VRK3: variants seen among roughly 807,000 people sequenced by gnomAD.
VRK3 encodes serine/threonine-protein kinase VRK3.
Under a neutral mutation model 60.4 loss-of-function variants are expected in VRK3, and 50 were observed. That is an observed-to-expected ratio of 0.83 (90% CI 0.66 to 1.05). The LOEUF is 1.05. Among genes scored for constraint, VRK3 ranks in the 50% least tolerant of loss-of-function variants. The pLI, the probability that VRK3 is intolerant of heterozygous loss-of-function variation, is 0.00. For synonymous variants in VRK3, 246 were observed against 227.8 expected (o/e 1.08, Z -0.72); for missense variants, 549 against 585.3 (o/e 0.94, Z 0.64).
intron 9 of VRK3, among the ~76,000 whole-genome samples, chr19:49,993,935 C>A (rs1421688535): frequency 6.6e-6 from 1 of 152,068 alleles, no homozygotes; most frequent in Non-Finnish European, 1.5e-5. Context: ...CCTTTCTGTA[C>A]CCAGAGCTGA....
Position 50,018,741 on chromosome 19 carries a change from A to C in VRK3, c.-2+1844T>G, listed in dbSNP as rs149633759. On this transcript the variant is annotated intron_variant, in intron 2 of 14. Transcript: ENST00000316763. ...ACAAATACTGGTGAGCATTTTTGTG[A>C]AGCTAGAGGTCTCACTGCCTCTTCC... is the stretch of plus-strand genomic sequence containing the variant. Among the ~76,000 whole-genome samples the C allele has an allele frequency of 3.2e-3, 494 of 152,306 alleles. 3 individuals carry two copies. The highest frequency in any genetic ancestry group is 4.6e-3 in the Admixed American group (71 of 15,304).
intron 5 of VRK3, among the ~76,000 whole-genome samples, chr19:50,007,275 C>T (rs538710559): frequency 6.6e-6 from 1 of 152,216 alleles, no homozygotes; most frequent in East Asian, 1.9e-4. Context: ...TCCCACGTGA[C>T]AATAGCAGGT....
intron 5 of VRK3, among the ~76,000 whole-genome samples, chr19:50,006,407 GCT>G (rs1266560784): frequency 6.6e-6 from 1 of 150,794 alleles, no homozygotes; most frequent in Non-Finnish European, 1.5e-5. Context: ...ACGGAGTCTC[GCT>G]CTGTCACCCA....
chr19:49,990,560 A>G (rs1039437367), intron 10 of VRK3, among the ~76,000 whole-genome samples: 5 of 151,478 alleles, frequency 3.3e-5, no homozygotes, highest in African/African-American at 1.2e-4. Flanking sequence ...TTTTGTAAAG[A>G]TGGGGTTTTG....
At chr19:50,000,597 A>G in intron 6 of VRK3, 193 bp downstream of exon 6, 1 of 637,486 alleles carries the variant, frequency 1.6e-6, no homozygotes, top group Non-Finnish European at 2.8e-6. Context: ...GGTGGATCCA[A>G]CTGTGGGTTT....
At chr19:50,008,361 G>C (rs369788945) in intron 4 of VRK3, among the ~76,000 whole-genome samples, 3 of 148,850 alleles carry the variant, frequency 2.0e-5, no homozygotes, top group African/African-American at 4.9e-5. Context: ...GGTGTGGTGG[G>C]AGACAGACTT....
At chr19:50,022,226 C>T (rs1018043345) in intron 1 of VRK3, among the ~76,000 whole-genome samples, 5 of 152,186 alleles carry the variant, frequency 3.3e-5, no homozygotes, top group Non-Finnish European at 7.3e-5. Context: ...CTTGGGGCAG[C>T]AGGTCAGAAC....
chr19:50,002,958 C>T (rs1488694402), intron 5 of VRK3, among the ~76,000 whole-genome samples: 1 of 152,242 alleles, frequency 6.6e-6, no homozygotes, highest in African/African-American at 2.4e-5. Context: ...CATCCTGACC[C>T]TAACACCAGA....
At position 49,989,775 on chromosome 19, in the gene VRK3, T is replaced by C. The variant is rs748765257; in HGVS notation, c.964-4A>G. The C allele has an allele frequency of 6.2e-7, 1 of 1,609,120 alleles. No individual in the cohort carries two copies. The highest frequency in any genetic ancestry group is 2.2e-5 in the East Asian group (1 of 44,694). ...AGCCATAGCCTGCCAAAGTCACCTGTGGACACAGGGAAAAGCCATACAGAT... is the reference window on the plus strand; with the variant it reads ...AGCCATAGCCTGCCAAAGTCACCTGCGGACACAGGGAAAAGCCATACAGAT... On this transcript the variant is annotated splice_region_variant and splice_polypyrimidine_tract_variant and intron_variant, in intron 10 of 14. Transcript: ENST00000316763.
intron 5 of VRK3, chr19:50,001,508 G>C (rs912217850): frequency 5.3e-5 from 8 of 151,226 alleles, no homozygotes; most frequent in African/African-American, 2.0e-4. Context: ...AGCCCTGCAG[G>C]GTCGGCTGAG....
intron 1 of VRK3, among the ~76,000 whole-genome samples, chr19:50,021,145 T>C (rs1011605697): frequency 6.6e-6 from 1 of 152,218 alleles, no homozygotes; most frequent in South Asian, 2.1e-4. Flanking sequence ...GTTTAGTCTA[T>C]ACAACAGCCC....
At chr19:49,980,025 G>A (rs1162414083) in intron 13 of VRK3, among the ~76,000 whole-genome samples, 3 of 152,014 alleles carry the variant, frequency 2.0e-5, no homozygotes, top group African/African-American at 7.3e-5. Flanking sequence ...ACTCCAGCCT[G>A]GGCGACAGAG....
chr19:49,981,912 G>A (rs1055728789), intron 12 of VRK3: 18 of 845,072 alleles, frequency 2.1e-5, no homozygotes, highest in Non-Finnish European at 3.1e-5. Context: ...AAGCAGGCTC[G>A]ACTTCAGGAG....
intron 3 of VRK3, among the ~76,000 whole-genome samples, chr19:50,014,506 C>T (rs1028820608): frequency 1.3e-5 from 2 of 151,178 alleles, no homozygotes; most frequent in Non-Finnish European, 2.9e-5. Flanking sequence ...TTGCAGTGAG[C>T]CGAGATGTTG....
chr19:49,988,256 G>A (rs2076551068), intron 12 of VRK3, 116 bp downstream of exon 12: 1 of 1,465,136 alleles, frequency 6.8e-7, no homozygotes, highest in South Asian at 1.3e-5. Context: ...GAGGACTTGG[G>A]CTCTGCTGGA....
At position 49,995,287 on chromosome 19, in the gene VRK3, A is replaced by C; in HGVS notation, c.680-12T>G. 1 of 1,613,880 alleles carries C rather than the reference A, an allele frequency of 6.2e-7. No homozygotes were observed. Among genetic ancestry groups the C allele is most frequent in the Admixed American group, 1.7e-5 (1 of 59,988 alleles). On this transcript the variant is annotated splice_polypyrimidine_tract_variant and intron_variant, in intron 7 of 14. Transcript: ENST00000316763. ...CTTCCACTTGTTGACTGCGGAAAGCAGGGGCTTGAGGTTAGAACCCACCCA... is the reference window on the plus strand; with the variant it reads ...CTTCCACTTGTTGACTGCGGAAAGCCGGGGCTTGAGGTTAGAACCCACCCA...
Position 50,020,247 on chromosome 19 carries a change from G to A in VRK3, c.-2+338C>T, listed in dbSNP as rs1432436607. 3.3e-5 allele frequency among the ~76,000 whole-genome samples: 5 copies of A among 152,034 alleles called. 2 individuals are homozygous for A. The highest frequency in any genetic ancestry group is 3.3e-4 in the Admixed American group (5 of 15,256). ...GTAGAGATGGGGTTTCACCATGTTG[G>A]CCAGGCTGGTCTCGAACTCCTGACC... On this transcript the variant is annotated intron_variant, in intron 2 of 14. Transcript: ENST00000316763.
chr19:50,000,818 G>A lies in VRK3; in HGVS notation c.584C>T (p.Pro195Leu). ...PTSTLTCDSGPQKQKFSLKLD... is the reference protein window; with the variant it reads ...PTSTLTCDSGLQKQKFSLKLD... Reference sequence around the variant, plus strand: ...TTTGAGTGAGAACTTTTGCTTCTGTGGTCCTGAGTCACAGGTGAGGGTGGA... The same window carrying A: ...TTTGAGTGAGAACTTTTGCTTCTGTAGTCCTGAGTCACAGGTGAGGGTGGA... Residue 195 changes from proline (P) to leucine (L), a missense_variant, in exon 6 of 15, where the codon CCA (proline) becomes CTA (leucine). By Grantham distance (98) the Pro-to-Leu change is moderately conservative. Transcript: ENST00000316763. 1 of 1,613,956 alleles carries A rather than the reference G, an allele frequency of 6.2e-7. No individual in the cohort carries two copies. The highest frequency in any genetic ancestry group is 2.2e-5 in the East Asian group (1 of 44,880).
At chr19:50,014,854 C>G (rs772841312) in intron 3 of VRK3, among the ~76,000 whole-genome samples, 7 of 152,122 alleles carry the variant, frequency 4.6e-5, no homozygotes, top group Non-Finnish European at 1.0e-4. Flanking sequence ...CAGGATCTCT[C>G]TGGTGGCTGC....
Sources: gnomAD v4.1 joint callset for allele counts (sites outside exome capture counted in the v4.1 genomes callset) on GRCh38, gnomAD v4.1.1 for gene constraint, MANE v1.5 for transcripts, NCBI Gene and HGNC (gene_info 2026-07-23, HGNC 2026-07-21) for gene names.